PRKCA: variants seen among roughly 807,000 people sequenced by gnomAD.
PRKCA encodes protein kinase C alpha type.
A neutral mutation model predicts 87.0 loss-of-function variants in PRKCA; 27 were observed. The observed-to-expected ratio is 0.31, with a 90% CI of 0.23 to 0.43. The LOEUF (loss-of-function observed/expected upper bound fraction) is 0.43, where lower values mean the gene tolerates loss of function less well. Ranked by LOEUF, PRKCA falls within the 20% of genes least tolerant of loss-of-function variation. The pLI, the probability that PRKCA is intolerant of heterozygous loss-of-function variation, is 1.00. For missense variants in PRKCA, 518 were observed against 852.3 expected (o/e 0.61, Z 4.88); for synonymous variants, 329 against 311.1 (o/e 1.06, Z -0.61).
At chr17:66,305,604 A>G (rs1156703151) in intron 1 of PRKCA, among the ~76,000 whole-genome samples, 1 of 152,248 alleles carries the variant, frequency 6.6e-6, no homozygotes, top group Non-Finnish European at 1.5e-5. Context: ...CCAACATTAA[A>G]TGTTAAAAGT....
chr17:66,312,535 T>TA (rs1176767507), intron 2 of PRKCA, among the ~76,000 whole-genome samples: 2 of 152,152 alleles, frequency 1.3e-5, no homozygotes, highest in African/African-American at 4.8e-5. Context: ...TCTTCAGACT[T>TA]ACCTACAATG....
chr17:66,396,396 T>C (rs1044544967), intron 2 of PRKCA, among the ~76,000 whole-genome samples: 1 of 152,194 alleles, frequency 6.6e-6, no homozygotes, highest in Admixed American at 6.5e-5. Flanking sequence ...AAGTCATATA[T>C]GTTCTTTGGA....
At chr17:66,320,205 A>T (rs1402419043) in intron 2 of PRKCA, among the ~76,000 whole-genome samples, 1 of 152,180 alleles carries the variant, frequency 6.6e-6, no homozygotes, top group Admixed American at 6.5e-5. Context: ...AGAACTGGCT[A>T]TAAGAGTTAA....
chr17:66,656,916 T>C (rs1971749658), intron 5 of PRKCA, among the ~76,000 whole-genome samples: 1 of 152,170 alleles, frequency 6.6e-6, no homozygotes. Flanking sequence ...TGCTCTGATA[T>C]CTTAGCAAAA....
At chr17:66,519,469 T>A (rs1967083739) in intron 3 of PRKCA, among the ~76,000 whole-genome samples, 2 of 152,126 alleles carry the variant, frequency 1.3e-5, no homozygotes, top group African/African-American at 2.4e-5. Context: ...GAAGGTATAG[T>A]GGACTCTTGC....
chr17:66,585,249 A>G (rs145773017), intron 3 of PRKCA, among the ~76,000 whole-genome samples: 1 of 152,126 alleles, frequency 6.6e-6, no homozygotes, highest in Non-Finnish European at 1.5e-5. Context: ...CTGCTTCTTT[A>G]TTGCACACCT....
chr17:66,302,757 G>A lies in PRKCA; in HGVS notation c.-95G>A. 2.9e-6 allele frequency: 3 copies of A among 1,027,886 alleles called. No individual in the cohort carries two copies. In the South Asian group the frequency reaches 1.3e-4, roughly 46 times the overall value. 63.7% of individuals were successfully genotyped at this position (1,027,886 alleles called of 1,614,324 possible). ...CGGCCCGCGCCCCGCGCCCGGGGTC[G>A]CCCCGAGCCCGCACCTCTCCCCCGC... is the stretch of plus-strand genomic sequence containing the variant. On this transcript the variant is annotated 5_prime_UTR_variant, in exon 1 of 17. Coordinates refer to ENST00000413366, the MANE Select transcript of PRKCA (RefSeq NM_002737.3).
At chr17:66,571,970 C>T (rs992991661) in intron 3 of PRKCA, among the ~76,000 whole-genome samples, 5 of 152,106 alleles carry the variant, frequency 3.3e-5, no homozygotes, top group African/African-American at 1.2e-4. Context: ...TGTGCCACTC[C>T]GTATAATTCC....
At position 66,595,463 on chromosome 17, in the gene PRKCA, C is replaced by CTTTTTTTTTTTTTT. The variant is rs374376124; in HGVS notation, c.289-45889_289-45876dup. ...AACTCTATTTTATTTTCTTTTCCTTCTTTTTTTTTTTTTTTTGAGACAGTC... is the reference window on the plus strand; with the variant it reads ...AACTCTATTTTATTTTCTTTTCCTTCTTTTTTTTTTTTTTTTTTTTTTTTTTTTTTGAGACAGTC... On this transcript the variant is annotated intron_variant, in intron 3 of 16. Transcript: ENST00000413366. Among the ~76,000 whole-genome samples the CTTTTTTTTTTTTTT allele has an allele frequency of 1.5e-3, 173 of 116,512 alleles. 7 individuals carry two copies. The highest frequency in any genetic ancestry group is 1.8e-3 in the South Asian group (6 of 3,382). 76.4% of individuals were successfully genotyped at this position (116,512 alleles called of 152,430 possible).
chr17:66,539,259 G>A (rs1362305939), intron 3 of PRKCA, among the ~76,000 whole-genome samples: 1 of 152,152 alleles, frequency 6.6e-6, no homozygotes, highest in Non-Finnish European at 1.5e-5. Flanking sequence ...GTAAATAAAC[G>A]CTTTGGGTGG....
intron 16 of PRKCA, among the ~76,000 whole-genome samples, chr17:66,797,650 T>G (rs1975699911): frequency 1.3e-5 from 2 of 152,188 alleles, no homozygotes; most frequent in South Asian, 4.1e-4. Context: ...GCACTGAGTT[T>G]GCCAAAGCTA....
chr17:66,690,788 A>G (rs918378763), intron 8 of PRKCA, among the ~76,000 whole-genome samples: 3 of 144,062 alleles, frequency 2.1e-5, no homozygotes, highest in African/African-American at 7.8e-5. Context: ...AGTTTGTGCC[A>G]CTGCACTCCA....
At chr17:66,769,347 C>T (rs1974881659) in intron 13 of PRKCA, among the ~76,000 whole-genome samples, 1 of 143,368 alleles carries the variant, frequency 7.0e-6, no homozygotes, top group South Asian at 2.2e-4. Context: ...CAGAGCAAGA[C>T]ACTGTCTCAA....
At chr17:66,531,681 C>CTAA (rs1335320994) in intron 3 of PRKCA, among the ~76,000 whole-genome samples, 2 of 152,154 alleles carry the variant, frequency 1.3e-5, no homozygotes, top group Non-Finnish European at 2.9e-5. Flanking sequence ...CTGCTGTCTC[C>CTAA]CTTCAAGGGT....
chr17:66,398,625 CAG>C (rs1214636767), intron 2 of PRKCA, among the ~76,000 whole-genome samples: 2 of 152,052 alleles, frequency 1.3e-5, no homozygotes, highest in Non-Finnish European at 1.5e-5. Flanking sequence ...GGAAGCAAGA[CAG>C]AGAGGGAACA....
In PRKCA at chr17:66,726,727, C is replaced by CT. The variant is rs770732800; in HGVS notation, c.919-5947dup. 5.1e-3 allele frequency among the ~76,000 whole-genome samples: 724 copies of CT among 142,268 alleles called. 9 individuals are homozygous for CT. Among genetic ancestry groups the CT allele is most frequent in the East Asian group, 0.043 (208 of 4,854 alleles). The allele number at this position is 142,268 out of a possible 152,430, so 93.3% of individuals were successfully genotyped here. Reference sequence around the variant, plus strand: ...GGTGAATCCAGGACAGGACCACTGTCTTTTTTTTTTTTTTCGAGACAGGGT... The same window carrying CT: ...GGTGAATCCAGGACAGGACCACTGTCTTTTTTTTTTTTTTTCGAGACAGGGT... On this transcript the variant is annotated intron_variant, in intron 8 of 16. Transcript: ENST00000413366.
At chr17:66,646,692 G>T (rs1276569443) in intron 5 of PRKCA, among the ~76,000 whole-genome samples, 2 of 152,160 alleles carry the variant, frequency 1.3e-5, no homozygotes, top group African/African-American at 4.8e-5. Context: ...CCAAAGAAAA[G>T]CTTACCTTTG....
chr17:66,667,505 C>T (rs753801625), intron 5 of PRKCA, among the ~76,000 whole-genome samples: 41 of 152,138 alleles, frequency 2.7e-4, no homozygotes, highest in Non-Finnish European at 4.4e-4. Context: ...CTTGTGAGAA[C>T]TCACTCACTA....
chr17:66,658,529 C>T (rs1971800278), intron 5 of PRKCA, among the ~76,000 whole-genome samples: 1 of 151,582 alleles, frequency 6.6e-6, no homozygotes, highest in Admixed American at 6.6e-5. Flanking sequence ...AACAACAGAT[C>T]TCATTATCTT....
Sources: gnomAD v4.1 joint callset for allele counts (sites outside exome capture counted in the v4.1 genomes callset) on GRCh38, gnomAD v4.1.1 for gene constraint, MANE v1.5 for transcripts, NCBI Gene and HGNC (gene_info 2026-07-23, HGNC 2026-07-21) for gene names.